RALA: variants seen among roughly 807,000 people sequenced by gnomAD.
RALA encodes the protein RAS like proto-oncogene A.
In RALA, 5 loss-of-function variants were observed where a neutral mutation model predicts 24.0. The ratio of observed to expected loss-of-function variants is 0.21; its 90% CI spans 0.11 to 0.44. The LOEUF is 0.44. Among genes scored for constraint, RALA ranks in the 20% least tolerant of loss-of-function variants. RALA has a pLI of 0.99. For synonymous variants in RALA, 77 were observed against 83.8 expected (o/e 0.92, Z 0.44); for missense variants, 95 against 241.2 (o/e 0.39, Z 4.01).
rs986128881 is a variant in RALA, at chr7:39,671,046, A to G, written c.-37-15585A>G. Among the ~76,000 whole-genome samples, 5 of 151,638 alleles carry G rather than the reference A, an allele frequency of 3.3e-5. No homozygotes were observed. The East Asian group carries it at 9.7e-4, about 29-fold the overall frequency. On this transcript the variant is annotated intron_variant, in intron 1 of 4. Transcript: ENST00000005257. ...TTCTCGCTTTCCTTTACCCCTCACAACTAATCTAGTTCATTTGACTCTTTT... is the reference window on the plus strand; with the variant it reads ...TTCTCGCTTTCCTTTACCCCTCACAGCTAATCTAGTTCATTTGACTCTTTT...
At chr7:39,649,606 T>G (rs1345722312) in intron 1 of RALA, among the ~76,000 whole-genome samples, 1 of 152,160 alleles carries the variant, frequency 6.6e-6, no homozygotes, top group Non-Finnish European at 1.5e-5. Context: ...CAGATGATGG[T>G]CCTCACCAGA....
At position 39,635,408 on chromosome 7, in the gene RALA, A is replaced by G. The variant is rs57086816; in HGVS notation, c.-38+11583A>G. On this transcript the variant is annotated intron_variant, in intron 1 of 4. Coordinates refer to ENST00000005257, the MANE Select transcript of RALA (RefSeq NM_005402.4). ...AAAGTACAATTTAGTGGTTTTTAAT[A>G]TAGTCAGAGTTGTGCAATTATCACC... 7.5e-4 allele frequency among the ~76,000 whole-genome samples: 114 copies of G among 152,266 alleles called. 2 individuals carry two copies. In the East Asian group the frequency reaches 0.018, roughly 23 times the overall value.
At chr7:39,693,668 T>C (rs2116090641) in intron 3 of RALA, among the ~76,000 whole-genome samples, 1 of 152,304 alleles carries the variant, frequency 6.6e-6, no homozygotes, top group East Asian at 1.9e-4. Context: ...TTGGCCAAAA[T>C]GCCCTTCACA....
intron 1 of RALA, among the ~76,000 whole-genome samples, chr7:39,633,850 T>G (rs1179063650): frequency 5.9e-5 from 9 of 152,244 alleles, no homozygotes; most frequent in African/African-American, 2.2e-4. Context: ...TCCATCCACA[T>G]GGCAGTGATG....
At chr7:39,696,605 A>G in intron 3 of RALA, 80 bp from the exon 4 acceptor site, 1 of 1,181,974 alleles carries the variant, frequency 8.5e-7, no homozygotes. Context: ...ACAATAGGGA[A>G]AAATAGGTAT....
intron 4 of RALA, among the ~76,000 whole-genome samples, chr7:39,702,137 G>T (rs1283147650): frequency 2.0e-5 from 3 of 152,078 alleles, no homozygotes; most frequent in Non-Finnish European, 4.4e-5. Context: ...TTTTTTCATT[G>T]TATAAGTAAT....
In RALA at chr7:39,642,592, C is replaced by A. The variant is rs569649690; in HGVS notation, c.-38+18767C>A. 3.9e-5 allele frequency among the ~76,000 whole-genome samples: 6 copies of A among 152,260 alleles called. No homozygotes were observed. In the South Asian group the frequency reaches 1.0e-3, roughly 26 times the overall value. On this transcript the variant is annotated intron_variant, in intron 1 of 4. Transcript: ENST00000005257. ...TCCTTCACACTCTTTACAAAAATCC[C>A]CTCAAAACTATCCAGCTATTAGCCA...
intron 4 of RALA, 48 bp from the exon 5 acceptor site, chr7:39,706,075 A>G (rs750976056): frequency 6.6e-7 from 1 of 1,515,846 alleles, no homozygotes; most frequent in Non-Finnish European, 9.0e-7. Flanking sequence ...AGAAGTACCA[A>G]GTTCATGTAT....
At chr7:39,646,232 G>A (rs569766395) in intron 1 of RALA, among the ~76,000 whole-genome samples, 3 of 151,998 alleles carry the variant, frequency 2.0e-5, no homozygotes, top group African/African-American at 4.8e-5. Flanking sequence ...GGTCAAGGCC[G>A]CAATGAGCCA....
At chr7:39,624,517 G>C (rs1223716435) in intron 1 of RALA, 1 of 152,184 alleles carries the variant, frequency 6.6e-6, no homozygotes, top group Admixed American at 6.5e-5. Context: ...TCCAGAAGTG[G>C]AAGATGTGAT....
At chr7:39,670,088 A>G (rs753937163) in intron 1 of RALA, among the ~76,000 whole-genome samples, 9 of 152,244 alleles carry the variant, frequency 5.9e-5, no homozygotes, top group Admixed American at 2.6e-4. Flanking sequence ...CCTAAAGCAG[A>G]TATAAATTAC....
intron 1 of RALA, among the ~76,000 whole-genome samples, chr7:39,632,746 G>A (rs1399023394): frequency 6.6e-6 from 1 of 152,154 alleles, no homozygotes; most frequent in Non-Finnish European, 1.5e-5. Flanking sequence ...GAGCCCAGGA[G>A]GGGAGGCTTC....
At chr7:39,696,975 G>A in intron 4 of RALA, 116 bp downstream of exon 4, 1 of 1,000,300 alleles carries the variant, frequency 1.0e-6, no homozygotes, top group Non-Finnish European at 1.5e-6. Flanking sequence ...AATCCTTGTT[G>A]ATTTTTATCA....
At chr7:39,633,009 T>G (rs532834822) in intron 1 of RALA, among the ~76,000 whole-genome samples, 1 of 152,214 alleles carries the variant, frequency 6.6e-6, no homozygotes, top group Non-Finnish European at 1.5e-5. Context: ...GATTTCATTT[T>G]GTTTTTTACC....
rs70996832 is a variant in RALA, at chr7:39,681,302, C to CTTTTTTTTTTTTTTTTTTTT, written c.-37-5315_-37-5296dup. Among the ~76,000 whole-genome samples, 11 of 50,048 alleles carry CTTTTTTTTTTTTTTTTTTTT rather than the reference C, an allele frequency of 2.2e-4. 1 individual carries two copies. The highest frequency in any genetic ancestry group is 2.8e-4 in the Non-Finnish European group (8 of 28,088). The allele number at this position is 50,048 out of a possible 152,430, so 32.8% of individuals were successfully genotyped here. On this transcript the variant is annotated intron_variant, in intron 1 of 4. Coordinates refer to ENST00000005257, the MANE Select transcript of RALA (RefSeq NM_005402.4). ...TCCTCAACCCAAACCCACCCTATTC[C>CTTTTTTTTTTTTTTTTTTTT]TTTTTTTTTTTTTTTTTTTTTTTTT... is the stretch of plus-strand genomic sequence containing the variant.
chr7:39,625,050 C>CCT (rs1432250228), intron 1 of RALA, among the ~76,000 whole-genome samples: 13 of 152,150 alleles, frequency 8.5e-5, no homozygotes, highest in Non-Finnish European at 1.5e-4. Context: ...GGGCAGGAGC[C>CCT]ATGTCCTACT....
intron 2 of RALA, among the ~76,000 whole-genome samples, chr7:39,688,806 T>C (rs921673844): frequency 4.6e-5 from 7 of 152,156 alleles, no homozygotes; most frequent in Non-Finnish European, 1.0e-4. Flanking sequence ...AAGAAGTACC[T>C]GACACTGGGG....
At chr7:39,674,941 A>G (rs1792453821) in intron 1 of RALA, among the ~76,000 whole-genome samples, 1 of 146,744 alleles carries the variant, frequency 6.8e-6, no homozygotes, top group Non-Finnish European at 1.5e-5. Context: ...CTCCTGCTTC[A>G]GCCTCCTGCA....
At chr7:39,679,279 G>A (rs890726207) in intron 1 of RALA, among the ~76,000 whole-genome samples, 14 of 152,094 alleles carry the variant, frequency 9.2e-5, no homozygotes, top group South Asian at 4.1e-4. Context: ...AGGCTTGCAA[G>A]CCACATTCTC....
Sources: gnomAD v4.1 joint callset for allele counts (sites outside exome capture counted in the v4.1 genomes callset) on GRCh38, gnomAD v4.1.1 for gene constraint, MANE v1.5 for transcripts, NCBI Gene and HGNC (gene_info 2026-07-23, HGNC 2026-07-21) for gene names.